The following PIEZO2 variants were observed in gnomAD, a reference collection of about 807,000 sequenced individuals.
PIEZO2 encodes piezo type mechanosensitive ion channel component 2, also known as piezo-type mechanosensitive ion channel component 2.
In PIEZO2, 172 loss-of-function variants were observed where a neutral mutation model predicts 337.3. That is an observed-to-expected ratio of 0.51 (90% confidence interval 0.45 to 0.58). The LOEUF is 0.58. Ranked by LOEUF, PIEZO2 falls within the 20% of genes least tolerant of loss-of-function variation. The probability of loss-of-function intolerance (pLI) is 0.00; values close to 1 mark genes in which losing one functional copy is unlikely to be tolerated. For synonymous variants in PIEZO2, 1,251 were observed against 1,228.5 expected (o/e 1.02, Z -0.38); for missense variants, 3,028 against 3,391.3 (o/e 0.89, Z 2.66).
intron 9 of PIEZO2, 25 bp downstream of exon 9, chr18:10,803,850 G>A (rs2039906350): frequency 9.1e-6 from 14 of 1,535,950 alleles, no homozygotes; most frequent in East Asian, 2.4e-5. Context: ...ATTAGGGAAC[G>A]GAAATCCCTT....
chr18:10,710,540 T>C (rs1031931252), intron 39 of PIEZO2, among the ~76,000 whole-genome samples: 3 of 152,252 alleles, frequency 2.0e-5, no homozygotes, highest in Non-Finnish European at 4.4e-5. Context: ...ATTTTTGCCA[T>C]TTTACATCTG....
intron 1 of PIEZO2, among the ~76,000 whole-genome samples, chr18:11,141,397 G>A (rs981836405): frequency 6.6e-6 from 1 of 152,164 alleles, no homozygotes; most frequent in Non-Finnish European, 1.5e-5. Context: ...ATTCTGGGGG[G>A]CTTAGGGCAG....
At chr18:10,995,778 GTTGC>G (rs2035299095) in intron 2 of PIEZO2, among the ~76,000 whole-genome samples, 1 of 152,162 alleles carries the variant, frequency 6.6e-6, no homozygotes, top group Non-Finnish European at 1.5e-5. Flanking sequence ...GGGCTGTGGA[GTTGC>G]TGCCATGGGG....
At chr18:10,871,182 T>G (rs1271680537) in intron 5 of PIEZO2, 71 bp downstream of exon 5, 1 of 1,405,684 alleles carries the variant, frequency 7.1e-7, no homozygotes, top group Non-Finnish European at 9.6e-7. Flanking sequence ...GTTATTATCA[T>G]AGTTCTGCAA....
At chr18:10,814,553 G>C (rs919482809) in intron 7 of PIEZO2, among the ~76,000 whole-genome samples, 1 of 152,172 alleles carries the variant, frequency 6.6e-6, no homozygotes, top group African/African-American at 2.4e-5. Context: ...CCAAACTACA[G>C]ACACTAGACT....
At position 11,075,281 on chromosome 18, in the gene PIEZO2, G is replaced by GA. The variant is rs546686505; in HGVS notation, c.65-9060dup. ...CAAAATTATGGTTATTTTATGAATA[G>GA]AAAAAAAAGAGAAATAGCTACAAAG... is the stretch of plus-strand genomic sequence containing the variant. On this transcript the variant is annotated intron_variant, in intron 1 of 55. Coordinates refer to ENST00000674853, the MANE Select transcript of PIEZO2 (RefSeq NM_001378183.1). Among the ~76,000 whole-genome samples, 127 of 151,548 alleles carry GA rather than the reference G, an allele frequency of 8.4e-4. 1 individual carries two copies. Among genetic ancestry groups the GA allele is most frequent in the African/African-American group, 2.5e-3 (103 of 41,364 alleles).
chr18:10,847,264 T>C lies in PIEZO2; in HGVS notation c.917+8089A>G, dbSNP rs2041395359. Among the ~76,000 whole-genome samples the C allele has an allele frequency of 6.6e-6, 1 of 152,240 alleles. No homozygotes were observed. Among genetic ancestry groups the C allele is most frequent in the African/African-American group, 2.4e-5 (1 of 41,458 alleles). On this transcript the variant is annotated intron_variant, in intron 7 of 55. Coordinates refer to ENST00000674853, the MANE Select transcript of PIEZO2 (RefSeq NM_001378183.1). This position sits in a 1 kb window ranked among gnomAD's most constrained non-coding sequence, Gnocchi z 5.7. Reference sequence around the variant, plus strand: ...GGTGACTGCAGGTGAGCTGCAATCCTAGCTATGGACCCTTTAGAATGAGTC... The same window carrying C: ...GGTGACTGCAGGTGAGCTGCAATCCCAGCTATGGACCCTTTAGAATGAGTC...
At chr18:10,706,801 G>T (rs1475258575) in intron 40 of PIEZO2, among the ~76,000 whole-genome samples, 1 of 152,164 alleles carries the variant, frequency 6.6e-6, no homozygotes, top group Non-Finnish European at 1.5e-5. Context: ...TGGAGATTGG[G>T]AATCTGTCTT....
chr18:10,841,307 C>T (rs941376442), intron 7 of PIEZO2, among the ~76,000 whole-genome samples: 1 of 152,010 alleles, frequency 6.6e-6, no homozygotes, highest in African/African-American at 2.4e-5. Context: ...AGAGAGTTTT[C>T]AGCACTAAAT....
At chr18:11,065,007 C>T (rs975500088) in intron 2 of PIEZO2, among the ~76,000 whole-genome samples, 8 of 152,126 alleles carry the variant, frequency 5.3e-5, no homozygotes, top group African/African-American at 1.9e-4. Flanking sequence ...TGCATAAACT[C>T]ACATTTCTCT....
chr18:10,809,741 A>G (rs2040127595), intron 7 of PIEZO2, among the ~76,000 whole-genome samples: 6 of 152,192 alleles, frequency 3.9e-5, no homozygotes, highest in Admixed American at 3.9e-4. Context: ...CCAGGATTGC[A>G]TCTTGATACT....
Position 10,855,696 on chromosome 18 carries a change from T to C in PIEZO2, c.704-130A>G. On this transcript the variant is annotated intron_variant, in intron 6 of 55. Transcript: ENST00000674853. This position sits in a 1 kb window ranked among gnomAD's most constrained non-coding sequence, Gnocchi z 4.9. ...TTAGGTTTTTTAAAATAGTAATTTTTAAAAATCATGTTTGATTTATATAAT... is the reference window on the plus strand; with the variant it reads ...TTAGGTTTTTTAAAATAGTAATTTTCAAAAATCATGTTTGATTTATATAAT... The C allele has an allele frequency of 1.4e-6, 1 of 716,544 alleles. No individual in the cohort carries two copies. Among genetic ancestry groups the C allele is most frequent in the Non-Finnish European group, 2.2e-6 (1 of 449,750 alleles). 44.4% of individuals were successfully genotyped at this position (716,544 alleles called of 1,614,324 possible).
intron 3 of PIEZO2, among the ~76,000 whole-genome samples, chr18:10,920,746 A>C (rs538030441): frequency 6.6e-6 from 1 of 152,288 alleles, no homozygotes; most frequent in East Asian, 1.9e-4. Flanking sequence ...TACTTAAGAC[A>C]ACAAAAGGAG....
At position 11,129,800 on chromosome 18, in the gene PIEZO2, C is replaced by T. The variant is rs2040289262; in HGVS notation, c.64+18725G>A. 6.6e-6 allele frequency among the ~76,000 whole-genome samples: 1 copy of T among 152,076 alleles called. No individual in the cohort carries two copies. Among genetic ancestry groups the T allele is most frequent in the African/African-American group, 2.4e-5 (1 of 41,406 alleles). On this transcript the variant is annotated intron_variant, in intron 1 of 55. Coordinates refer to ENST00000674853, the MANE Select transcript of PIEZO2 (RefSeq NM_001378183.1). This position sits in a 1 kb window ranked among gnomAD's most constrained non-coding sequence, Gnocchi z 4.6. ...TGAGCTGACGTTGGATCCAGGGGACCCAAAATGTCATCGTGGTACTTCAGT... is the reference window on the plus strand; with the variant it reads ...TGAGCTGACGTTGGATCCAGGGGACTCAAAATGTCATCGTGGTACTTCAGT...
intron 15 of PIEZO2, among the ~76,000 whole-genome samples, chr18:10,788,517 T>C (rs2039308707): frequency 6.6e-6 from 1 of 150,650 alleles, no homozygotes; most frequent in Admixed American, 6.6e-5. Context: ...TTTTTTTTGA[T>C]CAATAATTTT....
chr18:10,856,160 A>G lies in PIEZO2; in HGVS notation c.704-594T>C, dbSNP rs2041698902. 6.6e-6 allele frequency among the ~76,000 whole-genome samples: 1 copy of G among 152,216 alleles called. No homozygotes were observed. The highest frequency in any genetic ancestry group is 1.5e-5 in the Non-Finnish European group (1 of 68,012). ...GTGATCTTCCCTCCTTGGCCTTCCA[A>G]AGGGCTCGGATTACAGGCATGAGCC... is the stretch of plus-strand genomic sequence containing the variant. On this transcript the variant is annotated intron_variant, in intron 6 of 55. Coordinates refer to ENST00000674853, the MANE Select transcript of PIEZO2 (RefSeq NM_001378183.1). The surrounding 1 kb of genome is among the most constrained non-coding windows in gnomAD (Gnocchi z 4.7).
chr18:10,995,103 C>T (rs1171838118), intron 2 of PIEZO2, among the ~76,000 whole-genome samples: 7 of 96,830 alleles, frequency 7.2e-5, no homozygotes, highest in South Asian at 3.0e-4. Flanking sequence ...AAAAGAAAAG[C>T]GTTCCCTGCT....
rs949460274 is a variant in PIEZO2, at chr18:10,895,375, G to A, written c.329+15811C>T. Among the ~76,000 whole-genome samples, 1 of 152,098 alleles carries A rather than the reference G, an allele frequency of 6.6e-6. No homozygotes were observed. Among genetic ancestry groups the A allele is most frequent in the Non-Finnish European group, 1.5e-5 (1 of 68,020 alleles). On this transcript the variant is annotated intron_variant, in intron 4 of 55. Transcript: ENST00000674853. The surrounding 1 kb of genome is among the most constrained non-coding windows in gnomAD (Gnocchi z 4.8). ...GCAGGAGAATCGCTTGAACCTGGGT[G>A]GCAGAGGTTGCAGTGAGCCGAGATT...
intron 2 of PIEZO2, among the ~76,000 whole-genome samples, chr18:11,023,812 CG>C (rs1207671901): frequency 1.3e-5 from 2 of 152,232 alleles, no homozygotes; most frequent in African/African-American, 4.8e-5. Context: ...AGCTAAGGCC[CG>C]GCGAGAATTC....
Sources: gnomAD v4.1 joint callset for allele counts (sites outside exome capture counted in the v4.1 genomes callset) on GRCh38, gnomAD v4.1.1 for gene constraint, Gnocchi (gnomAD v3.1) non-coding constraint, MANE v1.5 for transcripts, NCBI Gene and HGNC (gene_info 2026-07-23, HGNC 2026-07-21) for gene names.